ARHGEF10: variants seen among roughly 807,000 people sequenced by gnomAD.
The protein encoded by ARHGEF10 is Rho guanine nucleotide exchange factor (GEF) 10.
In ARHGEF10, 140 loss-of-function variants were observed where a neutral mutation model predicts 147.4. The ratio of observed to expected loss-of-function variants is 0.95; its 90% CI spans 0.83 to 1.09. ARHGEF10 has a LOEUF of 1.09. Ranked by LOEUF, ARHGEF10 falls within the 50% of genes least tolerant of loss-of-function variation. The pLI, the probability that ARHGEF10 is intolerant of heterozygous loss-of-function variation, is 0.00. For missense variants in ARHGEF10, 2,222 were observed against 1,752.7 expected (o/e 1.27, Z -4.78); for synonymous variants, 902 against 695.8 (o/e 1.30, Z -4.67).
chr8:1,912,770 G>T (rs983150857), intron 18 of ARHGEF10, among the ~76,000 whole-genome samples: 8 of 152,160 alleles, frequency 5.3e-5, no homozygotes, highest in Admixed American at 3.9e-4. Flanking sequence ...CCATGGATTG[G>T]TTTAAGCTCC....
At chr8:1,854,568 T>A (rs77555129) in intron 2 of ARHGEF10, among the ~76,000 whole-genome samples, 6,497 of 152,234 alleles carry the variant, frequency 0.043, 292 homozygotes, top group East Asian at 0.17. Context: ...AGTCTTTCAA[T>A]GACAGCAGAG....
intron 1 of ARHGEF10, among the ~76,000 whole-genome samples, chr8:1,836,605 T>C (rs1268283012): frequency 6.6e-6 from 1 of 151,546 alleles, no homozygotes; most frequent in East Asian, 1.9e-4. Flanking sequence ...CAGGTCGGAG[T>C]TGGGGGAGCA....
intron 2 of ARHGEF10, among the ~76,000 whole-genome samples, chr8:1,844,775 T>C (rs1388371939): frequency 1.3e-5 from 2 of 152,096 alleles, no homozygotes; most frequent in East Asian, 1.9e-4. Context: ...GTTGTTTTAA[T>C]TGAAAATGAG....
In ARHGEF10 at chr8:1,937,422, C is replaced by G. The variant is rs1813705136; in HGVS notation, c.3222+3480C>G. Among the ~76,000 whole-genome samples the G allele has an allele frequency of 6.6e-6, 1 of 152,154 alleles. No homozygotes were observed. Among genetic ancestry groups the G allele is most frequent in the African/African-American group, 2.4e-5 (1 of 41,442 alleles). ...TCTTGGATCAGCCGCCTACCTGGGT[C>G]TCAATTGTCTGAGCTGACAGCTGGG... On this transcript the variant is annotated intron_variant, in intron 26 of 28. Transcript: ENST00000349830. This position sits in a 1 kb window ranked among gnomAD's most constrained non-coding sequence, Gnocchi z 4.9.
chr8:1,933,851 C>T lies in ARHGEF10; in HGVS notation c.3131C>T (p.Pro1044Leu). ...PQKVIKLGVL[P>L]VRSLLMMEDT... ...AAAGTGATCAAGTTAGGCGTCCTACCAGTTAGAAGTCTACTCATGATGGAA... is the reference window on the plus strand; with the variant it reads ...AAAGTGATCAAGTTAGGCGTCCTACTAGTTAGAAGTCTACTCATGATGGAA... Residue 1044 changes from proline (P) to leucine (L), a missense_variant, in exon 26 of 29, where the codon CCA (proline) becomes CTA (leucine). Coordinates refer to ENST00000349830, the MANE Select transcript of ARHGEF10 (RefSeq NM_014629.4). 1 of 1,614,174 alleles carries T rather than the reference C, an allele frequency of 6.2e-7. No homozygotes were observed. The highest frequency in any genetic ancestry group is 8.5e-7 in the Non-Finnish European group (1 of 1,180,018).
In ARHGEF10 at chr8:1,952,710, C is replaced by A. The variant is rs1247541532; in HGVS notation, c.3403C>A (p.Gln1135Lys). Residue 1135 changes from glutamine (Q) to lysine (K), a missense_variant, in exon 28 of 29, where the codon CAG becomes AAG. Gln to Lys is a moderately conservative substitution (Grantham distance 53, BLOSUM62 1). Coordinates refer to ENST00000349830, the MANE Select transcript of ARHGEF10 (RefSeq NM_014629.4). ...TPVHNMLPGH[Q>K]RLSVTSLLVC... ...ACTCATGTCTTTCCGCCCAGGGCAC[C>A]AGCGGCTGTCGGTGACGAGCCTGCT... The A allele has an allele frequency of 1.2e-6, 2 of 1,612,914 alleles. No individual in the cohort carries two copies. Among genetic ancestry groups the A allele is most frequent in the African/African-American group, 2.7e-5 (2 of 74,944 alleles).
At chr8:1,938,390 AC>A (rs1813797364) in intron 26 of ARHGEF10, among the ~76,000 whole-genome samples, 1 of 152,104 alleles carries the variant, frequency 6.6e-6, no homozygotes, top group Non-Finnish European at 1.5e-5. Flanking sequence ...TAAAGTGCAA[AC>A]CTTTTCTTCC....
rs573359467 is a variant in ARHGEF10 at position 1,889,833 on chromosome 8, C to T, written c.1183-3736C>T. On this transcript the variant is annotated intron_variant, in intron 11 of 28. Transcript: ENST00000349830. The stretch of plus-strand genomic sequence containing the variant: ...TGGGAGGAGGGTTTGTGAGAAGACA[C>T]TAGGTGGGGTGAGGTTTGTGAGGAG... Among the ~76,000 whole-genome samples the T allele has an allele frequency of 4.3e-4, 53 of 124,164 alleles. 3 individuals carry two copies. The highest frequency in any genetic ancestry group is 7.4e-4 in the Non-Finnish European group (45 of 60,408). The allele number at this position is 124,164 out of a possible 152,430, so 81.5% of individuals were successfully genotyped here. A position where few individuals can be genotyped will look rare whatever the true frequency, so the allele number is the denominator to read the frequency against.
chr8:1,894,527 C>T lies in ARHGEF10; in HGVS notation c.1395C>T (p.Ser465=), dbSNP rs529282966. 1.2e-5 allele frequency: 19 copies of T among 1,614,158 alleles called. No individual in the cohort carries two copies. The highest frequency in any genetic ancestry group is 5.3e-5 in the African/African-American group (4 of 75,044). ...LFQIALASRV[S]EWDSVEMIGD... is the part of the protein sequence containing the mutation. ...AGATCGCGCTGGCCAGCCGCGTTTC[C>T]GAGTGGGACTCCGTGGAAATGATAG... Residue 465 remains serine, a synonymous_variant, in exon 13 of 29, where the codon TCC becomes TCT. Transcript: ENST00000349830.
Position 1,945,554 on chromosome 8 carries a change from T to C in ARHGEF10, c.3296T>C (p.Ile1099Thr), listed in dbSNP as rs1814501375. 3 of 1,614,082 alleles carry C rather than the reference T, an allele frequency of 1.9e-6. No homozygotes were observed. The highest frequency in any genetic ancestry group is 1.3e-5 in the African/African-American group (1 of 74,934). ...HMAVSGVGIWIAFTSGSTLRL... is the reference protein window; with the variant it reads ...HMAVSGVGIWTAFTSGSTLRL... ...GCCGTGTCCGGCGTCGGGATCTGGA[T>C]TGCCTTCACCTCAGGGTCCACGCTC... Residue 1099 changes from isoleucine (I) to threonine (T), a missense_variant, in exon 27 of 29, where the codon ATT (isoleucine) becomes ACT (threonine). By Grantham distance (89) the Ile-to-Thr change is moderately conservative. Coordinates refer to ENST00000349830, the MANE Select transcript of ARHGEF10 (RefSeq NM_014629.4).
At chr8:1,854,801 G>C (rs767309758) in intron 2 of ARHGEF10, among the ~76,000 whole-genome samples, 1 of 152,226 alleles carries the variant, frequency 6.6e-6, no homozygotes, top group African/African-American at 2.4e-5. Flanking sequence ...CATGATGTGC[G>C]TGTCACACAT....
At chr8:1,896,473 G>C in intron 14 of ARHGEF10, 24 bp downstream of exon 14, 1 of 1,486,608 alleles carries the variant, frequency 6.7e-7, no homozygotes, top group East Asian at 2.3e-5. Flanking sequence ...TTTTTCATTT[G>C]GGTTTTAACA....
At chr8:1,881,436 G>C (rs770899992) in intron 9 of ARHGEF10, among the ~76,000 whole-genome samples, 4 of 152,210 alleles carry the variant, frequency 2.6e-5, no homozygotes, top group Non-Finnish European at 1.5e-5. Flanking sequence ...TGTGCAGGAC[G>C]GAAACGCGCA....
intron 27 of ARHGEF10, among the ~76,000 whole-genome samples, chr8:1,949,034 G>A (rs1314285911): frequency 6.6e-6 from 1 of 152,046 alleles, no homozygotes; most frequent in Non-Finnish European, 1.5e-5. Context: ...GTGTGTGTGT[G>A]TGTGTGTGGC....
intron 2 of ARHGEF10, among the ~76,000 whole-genome samples, chr8:1,851,447 T>C (rs763793545): frequency 6.6e-6 from 1 of 152,078 alleles, no homozygotes; most frequent in Non-Finnish European, 1.5e-5. Context: ...GTTAGTGACG[T>C]ACCTCAGTGT....
intron 28 of ARHGEF10, among the ~76,000 whole-genome samples, chr8:1,954,810 A>G (rs1385144792): frequency 1.3e-5 from 2 of 152,366 alleles, no homozygotes; most frequent in South Asian, 2.1e-4. Flanking sequence ...TAGCTGTCCC[A>G]TGGTGCAAGC....
At chr8:1,909,775 C>G (rs1445666429) in intron 18 of ARHGEF10, among the ~76,000 whole-genome samples, 1 of 152,158 alleles carries the variant, frequency 6.6e-6, no homozygotes, top group East Asian at 1.9e-4. Flanking sequence ...TTCCAGTTAA[C>G]CAAATCAGGA....
chr8:1,922,072 G>C (rs1369887536), intron 18 of ARHGEF10, among the ~76,000 whole-genome samples: 1 of 152,096 alleles, frequency 6.6e-6, no homozygotes, highest in Non-Finnish European at 1.5e-5. Flanking sequence ...AGTCAGATGG[G>C]GAGATGGGGG....
intron 2 of ARHGEF10, among the ~76,000 whole-genome samples, chr8:1,849,924 CGTGGGCCGGCTGCGTGG>C (rs1804922198): frequency 7.3e-6 from 1 of 136,438 alleles, no homozygotes; most frequent in African/African-American, 3.0e-5. Flanking sequence ...CTGAGGAGGG[CGTGGGCCGGCTGCGTGG>C]ACACAGAGGG....
Sources: gnomAD v4.1 joint callset for allele counts (sites outside exome capture counted in the v4.1 genomes callset) on GRCh38, gnomAD v4.1.1 for gene constraint, Gnocchi (gnomAD v3.1) non-coding constraint, MANE v1.5 for transcripts, NCBI Gene and HGNC (gene_info 2026-07-23, HGNC 2026-07-21) for gene names.